Variants in CHRNA3 observed in about 807,000 individuals in gnomAD.
CHRNA3 encodes the protein neuronal acetylcholine receptor subunit alpha-3.
Under a neutral mutation model 41.9 loss-of-function variants are expected in CHRNA3, and 34 were observed. The observed-to-expected ratio is 0.81, with a 90% CI of 0.62 to 1.08. The LOEUF is 1.08. Ranked by LOEUF, CHRNA3 falls within the 50% of genes least tolerant of loss-of-function variation. The probability of loss-of-function intolerance (pLI) is 0.00; values close to 1 mark genes in which losing one functional copy is unlikely to be tolerated. For missense variants in CHRNA3, 542 were observed against 638.3 expected, an observed-to-expected ratio of 0.85 and a Z score of 1.63; for synonymous variants, 281 against 265.2, an observed-to-expected ratio of 1.06 and a Z score of -0.58.
intron 4 of CHRNA3, among the ~76,000 whole-genome samples, chr15:78,615,395 G>A (rs746218187): frequency 2.3e-4 from 35 of 152,202 alleles, no homozygotes; most frequent in Admixed American, 3.9e-4. Flanking sequence ...CACAGCATCG[G>A]CCTCCTGCAT....
At chr15:78,620,666 C>CT in intron 1 of CHRNA3, 47 bp downstream of exon 1, 1 of 1,497,072 alleles carries the variant, frequency 6.7e-7, no homozygotes. Flanking sequence ...CCCCGCGCCC[C>CT]TTCTCGGGCG....
In CHRNA3 at chr15:78,617,193, T is replaced by C. The variant is rs75641027; in HGVS notation, c.268-60A>G. The C allele has an allele frequency of 6.0e-6, 7 of 1,168,034 alleles. No individual in the cohort carries two copies. The East Asian group carries it at 1.7e-4, about 28-fold the overall frequency. 72.4% of individuals were successfully genotyped at this position (1,168,034 alleles called of 1,614,324 possible). On this transcript the variant is annotated intron_variant, in intron 3 of 5. Coordinates refer to ENST00000326828, the MANE Select transcript of CHRNA3 (RefSeq NM_000743.5). ...GTAAAAGAATCAGCCTGGTTTTACT[T>C]CCCGTGGCACCACCCATCTTGGTGA... is the stretch of plus-strand genomic sequence containing the variant.
At chr15:78,613,965 GA>G (rs1474316401) in intron 4 of CHRNA3, among the ~76,000 whole-genome samples, 2 of 151,912 alleles carry the variant, frequency 1.3e-5, no homozygotes, top group African/African-American at 4.8e-5. Flanking sequence ...GGAAAAAAAA[GA>G]AGAGAAATCC....
At chr15:78,618,734 C>A (rs763362300) in intron 2 of CHRNA3, 42 bp downstream of exon 2, 1 of 1,614,160 alleles carries the variant, frequency 6.2e-7, no homozygotes. Context: ...CCTCCAGAAG[C>A]CCCGGTCCCC....
At chr15:78,605,422 C>T (rs1308149373) in intron 4 of CHRNA3, among the ~76,000 whole-genome samples, 1 of 152,028 alleles carries the variant, frequency 6.6e-6, no homozygotes, top group Non-Finnish European at 1.5e-5. Context: ...GTAGAGGCAG[C>T]CGGGGGAAAA....
intron 1 of CHRNA3, 46 bp from the exon 2 acceptor site, chr15:78,618,961 C>T (rs1157036478): frequency 3.1e-6 from 5 of 1,600,816 alleles, no homozygotes; most frequent in African/African-American, 1.3e-5. Flanking sequence ...CGTTACTTAA[C>T]CTCCCCCACC....
At chr15:78,615,709 G>A (rs2053450760) in intron 4 of CHRNA3, among the ~76,000 whole-genome samples, 1 of 148,934 alleles carries the variant, frequency 6.7e-6, no homozygotes, top group Non-Finnish European at 1.5e-5. Context: ...GAGGAACAAA[G>A]AATAAAATAT....
chr15:78,597,731 A>G (rs1010098489), intron 5 of CHRNA3, among the ~76,000 whole-genome samples: 3 of 152,134 alleles, frequency 2.0e-5, no homozygotes, highest in Non-Finnish European at 4.4e-5. Context: ...TTGTAATTAT[A>G]CTCCTAGACA....
rs757311888 is a variant in CHRNA3, at chr15:78,601,434, C to T, written c.1208G>A (p.Gly403Asp). ...TTTTATCCTGCGGTGGTGGCAGTAACCACACATCCCGTCCTGGCAGGGGTA... is the reference window on the plus strand; with the variant it reads ...TTTTATCCTGCGGTGGTGGCAGTAATCACACATCCCGTCCTGGCAGGGGTA... The part of the protein sequence containing the change: ...EGYPCQDGMC[G>D]YCHHRRIKIS... Residue 403 changes from glycine to aspartate, a missense_variant, in exon 5 of 6, where the codon GGT becomes GAT. Coordinates refer to ENST00000326828, the MANE Select transcript of CHRNA3 (RefSeq NM_000743.5). 6.2e-7 allele frequency: 1 copy of T among 1,614,150 alleles called. No individual in the cohort carries two copies. The highest frequency in any genetic ancestry group is 8.5e-7 in the Non-Finnish European group (1 of 1,180,034).
intron 3 of CHRNA3, among the ~76,000 whole-genome samples, chr15:78,618,030 T>G (rs556994931): frequency 1.3e-5 from 2 of 152,152 alleles, no homozygotes; most frequent in Non-Finnish European, 2.9e-5. Flanking sequence ...GTGGTTTGCT[T>G]GAGATCAGGC....
Position 78,595,776 on chromosome 15 carries a change from G to A in CHRNA3, c.*828C>T, listed in dbSNP as rs1296710134. 1 of 152,462 alleles carries A rather than the reference G, an allele frequency of 6.6e-6. No homozygotes were observed. The highest frequency in any genetic ancestry group is 1.9e-4 in the East Asian group (1 of 5,198). 9.4% of individuals were successfully genotyped at this position (152,462 alleles called of 1,614,324 possible). A position where few individuals can be genotyped will look rare whatever the true frequency, so the allele number is the denominator to read the frequency against. On this transcript the variant is annotated 3_prime_UTR_variant, in exon 6 of 6. Coordinates refer to ENST00000326828, the MANE Select transcript of CHRNA3 (RefSeq NM_000743.5). Reference sequence around the variant, plus strand: ...GTCTTAGATAGAAGGTGGGGCCTTGGAAAGGTGATTAGGCCATGGGGGCTC... The same window carrying A: ...GTCTTAGATAGAAGGTGGGGCCTTGAAAAGGTGATTAGGCCATGGGGGCTC...
intron 1 of CHRNA3, chr15:78,620,370 C>CGCGGGGCAGGGCGACGGGCAGT: frequency 3.1e-6 from 1 of 319,752 alleles, no homozygotes; most frequent in Non-Finnish European, 5.6e-6. Flanking sequence ...GGAGCCAGTG[C>CGCGGGGCAGGGCGACGGGCAGT]GCGGGGCAGG....
chr15:78,603,602 T>G (rs1596075010), intron 4 of CHRNA3, among the ~76,000 whole-genome samples: 1 of 152,170 alleles, frequency 6.6e-6, no homozygotes, highest in African/African-American at 2.4e-5. Flanking sequence ...GCCTAAACAT[T>G]TAGGGATATC....
chr15:78,600,016 CAA>C (rs57005476), intron 5 of CHRNA3: 83,861 of 131,572 alleles, frequency 0.64, 27,610 homozygotes, highest in Non-Finnish European at 0.78. Context: ...GACTCCATCT[CAA>C]AAAAAAAAAA....
In CHRNA3 at chr15:78,596,020, GTTAT is replaced by G; in HGVS notation, c.*580_*583del. On this transcript the variant is annotated 3_prime_UTR_variant, in exon 6 of 6. Transcript: ENST00000326828. ...ACCCAGTTTATGGTGTACTAAGACAGTTATATTAACAATGAATAACTAGGCATGA... is the reference window on the plus strand; with the variant it reads ...ACCCAGTTTATGGTGTACTAAGACAGATTAACAATGAATAACTAGGCATGA... The G allele has an allele frequency of 1.0e-6, 1 of 963,746 alleles. No homozygotes were observed. The highest frequency in any genetic ancestry group is 1.2e-6 in the Non-Finnish European group (1 of 810,534). 59.7% of individuals were successfully genotyped at this position (963,746 alleles called of 1,614,324 possible). A position where few individuals can be genotyped will look rare whatever the true frequency, so the allele number is the denominator to read the frequency against.
In CHRNA3 at chr15:78,601,455, G is replaced by C; in HGVS notation, c.1187C>G (p.Pro396Arg). 1 of 1,614,132 alleles carries C rather than the reference G, an allele frequency of 6.2e-7. No homozygotes were observed. Among genetic ancestry groups the C allele is most frequent in the Non-Finnish European group, 8.5e-7 (1 of 1,180,024 alleles). ...AESKGCKEGY[P>R]CQDGMCGYCH... is the part of the protein sequence containing the mutation. ...GTAACCACACATCCCGTCCTGGCAG[G>C]GGTAGCCCTCCTTGCAGCCTTTGGA... Residue 396 changes from proline to arginine, a missense_variant, in exon 5 of 6, where the codon CCC becomes CGC. Transcript: ENST00000326828.
At chr15:78,615,841 A>G (rs961348988) in intron 4 of CHRNA3, among the ~76,000 whole-genome samples, 14 of 150,300 alleles carry the variant, frequency 9.3e-5, no homozygotes, top group African/African-American at 3.4e-4. Context: ...ACCAGGTTCA[A>G]GCGATTCTCC....
intron 4 of CHRNA3, among the ~76,000 whole-genome samples, chr15:78,603,412 G>A (rs559961680): frequency 8.5e-5 from 13 of 152,218 alleles, no homozygotes; most frequent in African/African-American, 2.2e-4. Flanking sequence ...TTCCATCCGC[G>A]ATGGCCAGAT....
Position 78,601,872 on chromosome 15 carries a change from A to G in CHRNA3, c.770T>C (p.Phe257Ser). The G allele has an allele frequency of 6.2e-7, 1 of 1,614,104 alleles. No homozygotes were observed. Among genetic ancestry groups the G allele is most frequent in the Non-Finnish European group, 8.5e-7 (1 of 1,180,012 alleles). ...CAGGTAGAAGACGAGCACAGTGAGG[A>G]AGGAGATGAGCAGGCAGGGGATGAT... ...NLIIPCLLIS[F>S]LTVLVFYLPS... is the part of the protein sequence containing the mutation. The change falls in exon 5 of 6, where the codon TTC (phenylalanine) becomes TCC (serine). Residue 257 changes from phenylalanine to serine, a missense_variant. Coordinates refer to ENST00000326828, the MANE Select transcript of CHRNA3 (RefSeq NM_000743.5).
Sources: allele counts gnomAD v4.1 joint callset (sites outside exome capture counted in the v4.1 genomes callset), GRCh38; gene constraint gnomAD v4.1.1; transcripts MANE v1.5; gene names NCBI Gene and HGNC (gene_info 2026-07-23, HGNC 2026-07-21).